Variants in NKAIN2 observed in about 807,000 individuals in gnomAD.
The protein encoded by NKAIN2 is sodium/potassium-transporting ATPase subunit beta-1-interacting protein 2.
NKAIN2 carries 14 observed loss-of-function variants against 32.6 expected under a neutral mutation model. The ratio of observed to expected loss-of-function variants is 0.43; its 90% CI spans 0.28 to 0.67. NKAIN2 has a LOEUF of 0.67. Ranked by LOEUF, NKAIN2 falls within the 30% of genes least tolerant of loss-of-function variation. The pLI is 0.17. For missense variants in NKAIN2, 198 were observed against 258.3 expected, an observed-to-expected ratio of 0.77 and a Z score of 1.60; for synonymous variants, 80 against 87.2, an observed-to-expected ratio of 0.92 and a Z score of 0.46.
chr6:124,600,878 G>T (rs750927021), intron 3 of NKAIN2, among the ~76,000 whole-genome samples: 4 of 151,888 alleles, frequency 2.6e-5, no homozygotes, highest in Non-Finnish European at 4.4e-5. Context: ...AGGCCTTCTC[G>T]ATTTTTTAAA....
At chr6:123,962,428 T>G (rs796502639) in intron 1 of NKAIN2, among the ~76,000 whole-genome samples, 101 of 152,320 alleles carry the variant, frequency 6.6e-4, no homozygotes, top group African/African-American at 2.3e-3. Flanking sequence ...TATTTAAGAA[T>G]CAATGTCTTA....
At chr6:124,005,883 T>C (rs1204874756) in intron 1 of NKAIN2, among the ~76,000 whole-genome samples, 1 of 152,190 alleles carries the variant, frequency 6.6e-6, no homozygotes, top group Non-Finnish European at 1.5e-5. Context: ...GCTTCTTATA[T>C]CTATTCATTC....
intron 1 of NKAIN2, among the ~76,000 whole-genome samples, chr6:124,102,343 G>A (rs1035779792): frequency 1.3e-5 from 2 of 152,172 alleles, no homozygotes; most frequent in Non-Finnish European, 2.9e-5. Flanking sequence ...CCAGGCTTCA[G>A]CTCCCATCAG....
intron 6 of NKAIN2, among the ~76,000 whole-genome samples, chr6:124,820,933 CA>C (rs1244798002): frequency 6.6e-6 from 1 of 152,050 alleles, no homozygotes; most frequent in African/African-American, 2.4e-5. Flanking sequence ...TCTCTGGTAC[CA>C]AAAAGGTTGA....
chr6:124,279,127 C>T lies in NKAIN2; in HGVS notation c.55-3878C>T, dbSNP rs189763311. Among the ~76,000 whole-genome samples, 198 of 152,152 alleles carry T rather than the reference C, an allele frequency of 1.3e-3. 1 individual carries two copies. The highest frequency in any genetic ancestry group is 4.4e-3 in the African/African-American group (183 of 41,508). On this transcript the variant is annotated intron_variant, in intron 1 of 6. Transcript: ENST00000368417. The stretch of plus-strand genomic sequence containing the variant: ...CATCTACATACAATATTTTACTGAA[C>T]AGCTATGCAGTTAGCAGTAGCTCCC...
At chr6:124,142,054 G>A (rs1193421728) in intron 1 of NKAIN2, among the ~76,000 whole-genome samples, 1 of 152,128 alleles carries the variant, frequency 6.6e-6, no homozygotes, top group Admixed American at 6.6e-5. Flanking sequence ...AACATCCCAG[G>A]CAGTATCTTG....
At position 124,086,756 on chromosome 6, in the gene NKAIN2, C is replaced by T. The variant is rs1189736347; in HGVS notation, c.55-196249C>T. The stretch of plus-strand genomic sequence containing the variant: ...CAAAACTCACACAAGAAGAAATAGA[C>T]AATGAAAAATAGTCTTATATTAATC... On this transcript the variant is annotated intron_variant, in intron 1 of 6. Transcript: ENST00000368417. Among the ~76,000 whole-genome samples, 4 of 151,838 alleles carry T rather than the reference C, an allele frequency of 2.6e-5. No individual in the cohort carries two copies. In the East Asian group the frequency reaches 5.8e-4, roughly 22 times the overall value.
chr6:124,713,052 CAG>C (rs1404944246), intron 4 of NKAIN2, among the ~76,000 whole-genome samples: 2 of 151,706 alleles, frequency 1.3e-5, no homozygotes, highest in Non-Finnish European at 2.9e-5. Context: ...TGTTGAATGA[CAG>C]AGTAAACATT....
At chr6:124,177,250 G>A (rs1159804219) in intron 1 of NKAIN2, among the ~76,000 whole-genome samples, 1 of 152,122 alleles carries the variant, frequency 6.6e-6, no homozygotes, top group African/African-American at 2.4e-5. Flanking sequence ...GATACAAGTA[G>A]TCCAAACAAT....
At chr6:124,776,880 A>AG (rs1779005057) in intron 4 of NKAIN2, among the ~76,000 whole-genome samples, 1 of 152,138 alleles carries the variant, frequency 6.6e-6, no homozygotes, top group South Asian at 2.1e-4. Context: ...TAGCAGAATT[A>AG]GAAGGTCTCA....
intron 1 of NKAIN2, among the ~76,000 whole-genome samples, chr6:123,916,799 A>G (rs1272287110): frequency 1.5e-5 from 2 of 131,274 alleles, no homozygotes; most frequent in Non-Finnish European, 3.2e-5. Flanking sequence ...CTATCTATGT[A>G]TCTGTGTATC....
intron 2 of NKAIN2, among the ~76,000 whole-genome samples, chr6:124,333,806 T>C (rs1383189235): frequency 6.6e-6 from 1 of 152,188 alleles, no homozygotes; most frequent in Non-Finnish European, 1.5e-5. Context: ...ATTCAGAAGG[T>C]AAGCCTATAC....
intron 1 of NKAIN2, among the ~76,000 whole-genome samples, chr6:123,981,312 T>A (rs576207827): frequency 1.3e-5 from 2 of 152,198 alleles, no homozygotes; most frequent in Non-Finnish European, 2.9e-5. Context: ...ATACTTTAAT[T>A]TATGTAAATA....
chr6:124,097,963 A>T (rs910709421), intron 1 of NKAIN2, among the ~76,000 whole-genome samples: 2 of 151,634 alleles, frequency 1.3e-5, no homozygotes, highest in Admixed American at 6.6e-5. Context: ...TCTGGCTAAG[A>T]GATGGACTAT....
chr6:124,350,241 G>A (rs1358078830), intron 2 of NKAIN2, among the ~76,000 whole-genome samples: 1 of 152,122 alleles, frequency 6.6e-6, no homozygotes, highest in African/African-American at 2.4e-5. Flanking sequence ...AGTTTGTACT[G>A]ATCTTTATAC....
At chr6:124,443,137 C>T (rs1004175217) in intron 3 of NKAIN2, among the ~76,000 whole-genome samples, 1 of 151,988 alleles carries the variant, frequency 6.6e-6, no homozygotes, top group Non-Finnish European at 1.5e-5. Context: ...ATGTCAGAGA[C>T]CATTAGACCC....
intron 1 of NKAIN2, among the ~76,000 whole-genome samples, chr6:124,171,210 TTTTTG>T (rs1023408022): frequency 2.0e-5 from 3 of 152,106 alleles, no homozygotes; most frequent in Non-Finnish European, 2.9e-5. Context: ...TAAGGAACTT[TTTTTG>T]TTTTGTTTTG....
intron 1 of NKAIN2, among the ~76,000 whole-genome samples, chr6:124,192,353 A>G (rs2114592086): frequency 6.6e-6 from 1 of 152,278 alleles, no homozygotes; most frequent in East Asian, 1.9e-4. Flanking sequence ...TCTTTGATTT[A>G]TAGATTATTT....
intron 4 of NKAIN2, among the ~76,000 whole-genome samples, chr6:124,761,962 C>T: frequency 6.6e-6 from 1 of 152,158 alleles, no homozygotes; most frequent in East Asian, 1.9e-4. Flanking sequence ...TTATCCCTCT[C>T]TTTCTCCCTA....
Sources: gnomAD v4.1 joint callset for allele counts (sites outside exome capture counted in the v4.1 genomes callset) on GRCh38, gnomAD v4.1.1 for gene constraint, MANE v1.5 for transcripts, NCBI Gene and HGNC (gene_info 2026-07-23, HGNC 2026-07-21) for gene names.